CLASP2: variants seen among roughly 807,000 people sequenced by gnomAD.
CLASP2 encodes the protein cytoplasmic linker associated protein 2, also known as CLIP-associating protein 2.
A neutral mutation model predicts 194.4 loss-of-function variants in CLASP2; 47 were observed. The observed-to-expected ratio is 0.24, with a 90% CI of 0.19 to 0.31. The LOEUF is 0.31. CLASP2 is among the 10% of genes least tolerant of loss of function. The probability of loss-of-function intolerance (pLI) is 1.00; values close to 1 mark genes in which losing one functional copy is unlikely to be tolerated. For synonymous variants in CLASP2, 619 were observed against 633.5 expected, an observed-to-expected ratio of 0.98 and a Z score of 0.34; for missense variants, 1,445 against 1,823.6, an observed-to-expected ratio of 0.79 and a Z score of 3.78.
chr3:33,702,737 C>T (rs1015661810), intron 1 of CLASP2, among the ~76,000 whole-genome samples: 1 of 151,846 alleles, frequency 6.6e-6, no homozygotes, highest in Non-Finnish European at 1.5e-5. Flanking sequence ...ACTTTTACAA[C>T]GTAATAGTAA....
intron 23 of CLASP2, 116 bp downstream of exon 23, chr3:33,581,704 AG>A (rs2066178248): frequency 1.6e-6 from 1 of 638,354 alleles, no homozygotes; most frequent in Non-Finnish European, 2.8e-6. Context: ...ATGACAGAAA[AG>A]GGGTAGAGAG....
Position 33,571,151 on chromosome 3 carries a change from G to C in CLASP2, c.2700-361C>G, listed in dbSNP as rs796099469. On this transcript the variant is annotated intron_variant, in intron 25 of 38. Transcript: ENST00000682230. ...GCCTCAGCCTCCCGAGTAGCTGGGA[G>C]TACAGGCGCCCGCCACCTCGCCCAG... Among the ~76,000 whole-genome samples, 195 of 150,556 alleles carry C rather than the reference G, an allele frequency of 1.3e-3. 1 individual carries two copies. Among genetic ancestry groups the C allele is most frequent in the African/African-American group, 4.2e-3 (174 of 41,360 alleles).
intron 12 of CLASP2, among the ~76,000 whole-genome samples, chr3:33,618,912 G>A (rs188930922): frequency 1.3e-5 from 2 of 152,230 alleles, no homozygotes; most frequent in East Asian, 1.9e-4. Flanking sequence ...ATGGGGATAC[G>A]TTCTGAGAAA....
At chr3:33,603,954 G>A (rs921119339) in intron 17 of CLASP2, among the ~76,000 whole-genome samples, 200 bp downstream of exon 17, 3 of 152,204 alleles carry the variant, frequency 2.0e-5, no homozygotes, top group Non-Finnish European at 4.4e-5. Flanking sequence ...TGCATCACAA[G>A]TAAGAGTAAG....
chr3:33,703,777 T>C (rs180696635), intron 1 of CLASP2, among the ~76,000 whole-genome samples: 23 of 152,360 alleles, frequency 1.5e-4, no homozygotes, highest in Non-Finnish European at 1.6e-4. Flanking sequence ...TGCACCACCA[T>C]GCCCAGCCCA....
At chr3:33,667,313 G>C (rs1307429691) in intron 6 of CLASP2, among the ~76,000 whole-genome samples, 2 of 148,192 alleles carry the variant, frequency 1.3e-5, no homozygotes, top group Non-Finnish European at 3.0e-5. Flanking sequence ...TCAGTAGGCT[G>C]AGGCAGGAGA....
At chr3:33,600,910 A>ACT (rs996972534) in intron 18 of CLASP2, among the ~76,000 whole-genome samples, 4 of 152,022 alleles carry the variant, frequency 2.6e-5, no homozygotes, top group African/African-American at 9.7e-5. Flanking sequence ...GAACTCAGAA[A>ACT]AAGTGTCCCA....
At position 33,606,844 on chromosome 3, in the gene CLASP2, G is replaced by C. The variant is rs2073960408; in HGVS notation, c.1527-86C>G. 8.3e-6 allele frequency: 8 copies of C among 962,550 alleles called. No individual in the cohort carries two copies. In the South Asian group the frequency reaches 1.4e-4, roughly 16 times the overall value. The allele number at this position is 962,550 out of a possible 1,614,324, so 59.6% of individuals were successfully genotyped here. ...AACGTGTACGTTCAAGAAGGATGAA[G>C]ATAAGCCCACTGGTTTTCAGCATTA... On this transcript the variant is annotated intron_variant, in intron 15 of 38. Transcript: ENST00000682230.
intron 33 of CLASP2, among the ~76,000 whole-genome samples, chr3:33,536,829 T>A (rs1160047167): frequency 1.3e-5 from 2 of 152,196 alleles, no homozygotes; most frequent in African/African-American, 2.4e-5. Context: ...AGATTTGGTA[T>A]GGAGGATGAG....
intron 32 of CLASP2, among the ~76,000 whole-genome samples, chr3:33,539,577 C>T (rs973643320): frequency 7.2e-5 from 11 of 151,802 alleles, no homozygotes; most frequent in South Asian, 2.1e-4. Context: ...TCAGGTGATC[C>T]GCCCACCTCG....
At chr3:33,583,683 T>C (rs1404528095) in intron 22 of CLASP2, among the ~76,000 whole-genome samples, 1 of 152,182 alleles carries the variant, frequency 6.6e-6, no homozygotes, top group Non-Finnish European at 1.5e-5. Context: ...GAGATACTGA[T>C]TGAGGTTGAC....
chr3:33,646,520 TA>T (rs541756973), intron 7 of CLASP2, among the ~76,000 whole-genome samples: 9 of 151,862 alleles, frequency 5.9e-5, no homozygotes, highest in East Asian at 3.9e-4. Context: ...ACTGTTATGT[TA>T]AAAAAAATGC....
intron 7 of CLASP2, among the ~76,000 whole-genome samples, chr3:33,650,232 C>A (rs1224473802): frequency 6.6e-6 from 1 of 152,132 alleles, no homozygotes; most frequent in Non-Finnish European, 1.5e-5. Flanking sequence ...AGTGGGCATG[C>A]ATAACAGTAG....
At chr3:33,668,969 G>C (rs529441448) in intron 6 of CLASP2, among the ~76,000 whole-genome samples, 8 of 152,262 alleles carry the variant, frequency 5.3e-5, no homozygotes, top group African/African-American at 1.9e-4. Context: ...TAAAGTATTA[G>C]CTACCTGCAT....
intron 2 of CLASP2, among the ~76,000 whole-genome samples, chr3:33,691,411 A>C (rs2091335509): frequency 6.6e-6 from 1 of 152,232 alleles, no homozygotes; most frequent in Non-Finnish European, 1.5e-5. Flanking sequence ...CAAGAGTTAA[A>C]GAAAAAAGAA....
In CLASP2 at chr3:33,535,250, G is replaced by A. The variant is rs777178306; in HGVS notation, c.3770C>T (p.Ala1257Val). ...ALKEAMFDDD[A>V]DQFPDDLSLD... ...GAACATACCGTCAGGAAACTGGTCA[G>A]CATCATCATCAAACATGGCTTCCTT... The change falls in exon 34 of 39, where the codon GCT becomes GTT. Residue 1257 changes from alanine to valine, a missense_variant. By Grantham distance (64) the Ala-to-Val change is moderately conservative. This residue lies in a region of CLASP2 where 732 missense variants were observed against 987.9 expected (regional missense o/e 0.74). Transcript: ENST00000682230. The A allele has an allele frequency of 6.2e-7, 1 of 1,613,156 alleles. No homozygotes were observed. Among genetic ancestry groups the A allele is most frequent in the African/African-American group, 1.3e-5 (1 of 74,916 alleles).
intron 6 of CLASP2, among the ~76,000 whole-genome samples, chr3:33,682,086 T>C (rs2089949812): frequency 1.3e-5 from 2 of 152,216 alleles, no homozygotes; most frequent in African/African-American, 4.8e-5. Context: ...GCTTCTTGTA[T>C]AGCCCCTGAA....
In CLASP2 at chr3:33,581,869, G is replaced by A. The variant is rs1404612941; in HGVS notation, c.2299C>T (p.Arg767Trp). The A allele has an allele frequency of 2.5e-6, 4 of 1,613,786 alleles. No homozygotes were observed. The highest frequency in any genetic ancestry group is 3.4e-6 in the Non-Finnish European group (4 of 1,179,796). Reference protein sequence around the residue: ...VSQGCSREASRESSRDTSPVR... With the variant: ...VSQGCSREASWESSRDTSPVR... ...GGACTTGTGTCTCTGCTGCTCTCCC[G>A]ACTAGCTTCCCGGCTGCATCCTTGA... Residue 767 changes from arginine (R) to tryptophan (W), a missense_variant, in exon 23 of 39, where the codon CGG (arginine) becomes TGG (tryptophan). By Grantham distance (101) the Arg-to-Trp change is moderately radical (BLOSUM62 -3). Coordinates refer to ENST00000682230, the MANE Select transcript of CLASP2 (RefSeq NM_001365631.1).
chr3:33,594,319 G>A (rs2069637595), intron 20 of CLASP2, among the ~76,000 whole-genome samples: 1 of 151,998 alleles, frequency 6.6e-6, no homozygotes, highest in South Asian at 2.1e-4. Flanking sequence ...TGAATCGGAG[G>A]TTTTAAAAAG....
Sources: gnomAD v4.1 joint callset for allele counts (sites outside exome capture counted in the v4.1 genomes callset) on GRCh38, gnomAD v4.1.1 for gene constraint, gnomAD v4.1.1 regional missense constraint, MANE v1.5 for transcripts, NCBI Gene and HGNC (gene_info 2026-07-23, HGNC 2026-07-21) for gene names.